Variants in ZBTB7C observed in about 807,000 individuals in gnomAD.
The protein encoded by ZBTB7C is zinc finger and BTB domain-containing protein 7C.
A neutral mutation model predicts 25.7 loss-of-function variants in ZBTB7C; 8 were observed. The observed-to-expected ratio is 0.31, with a 90% CI of 0.18 to 0.56. ZBTB7C has a LOEUF of 0.56. Ranked by LOEUF, ZBTB7C falls within the 20% of genes least tolerant of loss-of-function variation. The pLI is 0.91. For missense variants in ZBTB7C, 824 were observed against 855.2 expected, an observed-to-expected ratio of 0.96 and a Z score of 0.46; for synonymous variants, 394 against 369.0, an observed-to-expected ratio of 1.07 and a Z score of -0.78.
chr18:48,299,735 G>A (rs2045496280), intron 2 of ZBTB7C, among the ~76,000 whole-genome samples: 1 of 152,258 alleles, frequency 6.6e-6, no homozygotes, highest in Non-Finnish European at 1.5e-5. Flanking sequence ...GCCAGGCAGA[G>A]CGCAGCATGT....
intron 2 of ZBTB7C, among the ~76,000 whole-genome samples, chr18:48,303,879 C>T (rs1004531836): frequency 2.6e-5 from 4 of 152,174 alleles, no homozygotes; most frequent in African/African-American, 9.7e-5. Flanking sequence ...TTACCAGTTC[C>T]CTTGTTAGGG....
In ZBTB7C at chr18:48,330,247, C is replaced by T. The variant is rs74935101; in HGVS notation, c.-79+7927G>A. 8.7e-3 allele frequency among the ~76,000 whole-genome samples: 1,331 copies of T among 152,260 alleles called. 16 individuals carry two copies. Among genetic ancestry groups the T allele is most frequent in the African/African-American group, 0.03 (1,230 of 41,560 alleles). ...TGGCCCAGAGCAGGGCACCTGGGCA[C>T]GGAATGTACCTTGTTGAGGTCTCCA... On this transcript the variant is annotated intron_variant, in intron 2 of 4. Transcript: ENST00000590800.
intron 1 of ZBTB7C, among the ~76,000 whole-genome samples, chr18:48,393,247 T>A (rs982025254): frequency 5.0e-5 from 1 of 20,002 alleles, no homozygotes; most frequent in African/African-American, 2.1e-4. Context: ...CACTCCCACC[T>A]CCCCACCCCC....
At chr18:48,383,828 C>T (rs1013394691) in intron 1 of ZBTB7C, among the ~76,000 whole-genome samples, 2 of 151,056 alleles carry the variant, frequency 1.3e-5, no homozygotes, top group African/African-American at 2.4e-5. Flanking sequence ...TGACTTCCCT[C>T]AGCACACGGC....
intron 3 of ZBTB7C, among the ~76,000 whole-genome samples, chr18:48,124,132 T>A (rs1342437572): frequency 1.3e-5 from 2 of 152,230 alleles, no homozygotes; most frequent in Admixed American, 1.3e-4. Context: ...TGGGCCCCTT[T>A]AATTGGCATC....
intron 3 of ZBTB7C, among the ~76,000 whole-genome samples, chr18:48,131,676 G>A (rs7243437): frequency 0.7 from 106,918 of 152,068 alleles, 37,913 homozygotes; most frequent in African/African-American, 0.78. Flanking sequence ...GTCTTATAGG[G>A]ACATAGAGGG....
chr18:48,101,641 C>T (rs1368627215), intron 3 of ZBTB7C, among the ~76,000 whole-genome samples: 1 of 152,164 alleles, frequency 6.6e-6, no homozygotes, highest in East Asian at 1.9e-4. Flanking sequence ...CTCACAGCAT[C>T]CCCATCAAGT....
intron 2 of ZBTB7C, chr18:48,252,888 G>A (rs1327084965): frequency 2.6e-5 from 4 of 152,258 alleles, no homozygotes; most frequent in African/African-American, 4.8e-5. Flanking sequence ...TATGATGAAT[G>A]TAGAGATTTG....
At chr18:48,216,406 TGG>T (rs2042823820) in intron 2 of ZBTB7C, among the ~76,000 whole-genome samples, 1 of 152,092 alleles carries the variant, frequency 6.6e-6, no homozygotes, top group African/African-American at 2.4e-5. Context: ...GCAGACACAT[TGG>T]AAGCAGTTGC....
At chr18:48,226,643 G>C (rs1568315329) in intron 2 of ZBTB7C, among the ~76,000 whole-genome samples, 1 of 152,224 alleles carries the variant, frequency 6.6e-6, no homozygotes, top group Non-Finnish European at 1.5e-5. Flanking sequence ...TGTCACCCAT[G>C]GTGGGGAGCA....
At chr18:48,215,813 T>C (rs529264591) in intron 2 of ZBTB7C, among the ~76,000 whole-genome samples, 10 of 152,336 alleles carry the variant, frequency 6.6e-5, no homozygotes, top group Middle Eastern at 3.4e-3. Flanking sequence ...AGTAGACAGA[T>C]TTTCAGGGCA....
chr18:48,071,063 T>C (rs1478428823), intron 3 of ZBTB7C, among the ~76,000 whole-genome samples: 2 of 152,234 alleles, frequency 1.3e-5, no homozygotes, highest in African/African-American at 4.8e-5. Flanking sequence ...GCACAATGCC[T>C]AGTACATAGT....
intron 4 of ZBTB7C, among the ~76,000 whole-genome samples, chr18:48,033,675 AG>A (rs2035853598): frequency 6.6e-6 from 1 of 152,234 alleles, no homozygotes; most frequent in African/African-American, 2.4e-5. Flanking sequence ...GGGCCCAGTA[AG>A]TGACACTATT....
intron 2 of ZBTB7C, among the ~76,000 whole-genome samples, chr18:48,275,562 A>G (rs2044620946): frequency 6.6e-6 from 1 of 152,160 alleles, no homozygotes; most frequent in Non-Finnish European, 1.5e-5. Flanking sequence ...CACAGGGTTC[A>G]CTTTTGGCAG....
At chr18:48,340,418 G>A (rs903666286) in intron 1 of ZBTB7C, among the ~76,000 whole-genome samples, 10 of 152,208 alleles carry the variant, frequency 6.6e-5, no homozygotes, top group Non-Finnish European at 1.5e-4. Flanking sequence ...CAGGCTCAGG[G>A]AAGAGCAGAA....
chr18:48,238,148 G>A (rs1377406971), intron 2 of ZBTB7C, among the ~76,000 whole-genome samples: 1 of 152,142 alleles, frequency 6.6e-6, no homozygotes, highest in Non-Finnish European at 1.5e-5. Flanking sequence ...AGTTTCCAGC[G>A]ATTCTGATAA....
chr18:48,081,966 T>C (rs905315475), intron 3 of ZBTB7C, among the ~76,000 whole-genome samples: 1 of 103,856 alleles, frequency 9.6e-6, no homozygotes, highest in Non-Finnish European at 1.8e-5. Context: ...ATTGCAAAAA[T>C]TAATGTTAAC....
chr18:48,149,799 C>G (rs1466846438), intron 3 of ZBTB7C: 2 of 118,116 alleles, frequency 1.7e-5, no homozygotes, highest in Non-Finnish European at 3.5e-5. Flanking sequence ...CTTTCTTCTT[C>G]TTCTTCTTTT....
At chr18:48,401,427 G>A (rs1188721740) in intron 1 of ZBTB7C, among the ~76,000 whole-genome samples, 2 of 152,094 alleles carry the variant, frequency 1.3e-5, no homozygotes, top group African/African-American at 4.8e-5. Flanking sequence ...TATCACCACT[G>A]CATAGGTGAG....
Sources: allele counts gnomAD v4.1 joint callset (sites outside exome capture counted in the v4.1 genomes callset), GRCh38; gene constraint gnomAD v4.1.1; transcripts MANE v1.5; gene names NCBI Gene and HGNC (gene_info 2026-07-23, HGNC 2026-07-21).